Variants in RGMA observed in about 807,000 individuals in gnomAD.
RGMA encodes repulsive guidance molecule BMP co-receptor a.
RGMA carries 10 observed loss-of-function variants against 23.2 expected under a neutral mutation model. That is an observed-to-expected ratio of 0.43 (90% confidence interval 0.27 to 0.73). The LOEUF is 0.73. RGMA is among the 30% of genes least tolerant of loss of function. The pLI, the probability that RGMA is intolerant of heterozygous loss-of-function variation, is 0.20. For synonymous variants in RGMA, 308 were observed against 279.3 expected (o/e 1.10, Z -1.03); for missense variants, 547 against 630.5 (o/e 0.87, Z 1.42).
intron 2 of RGMA, among the ~76,000 whole-genome samples, chr15:93,052,869 T>C (rs907419875): frequency 3.9e-5 from 6 of 152,188 alleles, no homozygotes; most frequent in African/African-American, 1.4e-4. Flanking sequence ...TCCCCAAGAA[T>C]TTTGGCTAAA....
At chr15:93,066,120 G>T in intron 2 of RGMA, 1 of 1,384,896 alleles carries the variant, frequency 7.2e-7, no homozygotes, top group Non-Finnish European at 1.0e-6. Flanking sequence ...GGGCATAACA[G>T]CTGCCCTTCA....
chr15:93,080,866 G>A (rs1181158981), intron 1 of RGMA, among the ~76,000 whole-genome samples: 1 of 151,970 alleles, frequency 6.6e-6, no homozygotes, highest in Admixed American at 6.6e-5. Flanking sequence ...CTATAAACTG[G>A]GGTATAACTA....
intron 2 of RGMA, among the ~76,000 whole-genome samples, chr15:93,059,914 A>C (rs1432038153): frequency 2.0e-5 from 3 of 152,246 alleles, no homozygotes; most frequent in Non-Finnish European, 4.4e-5. Context: ...GAAAGAAGGA[A>C]GGAAAGTTTG....
At chr15:93,087,335 A>C (rs1006154669) in intron 1 of RGMA, among the ~76,000 whole-genome samples, 2 of 152,110 alleles carry the variant, frequency 1.3e-5, no homozygotes, top group Non-Finnish European at 1.5e-5. Flanking sequence ...CCCCACCCAG[A>C]GCCTTTGTCT....
At chr15:93,054,248 A>T (rs1292136820) in intron 2 of RGMA, among the ~76,000 whole-genome samples, 2 of 149,766 alleles carry the variant, frequency 1.3e-5, no homozygotes, top group South Asian at 2.2e-4. Flanking sequence ...AAAAAAAAAA[A>T]TTGATGGAAG....
At chr15:93,085,662 C>T (rs1418127886) in intron 1 of RGMA, among the ~76,000 whole-genome samples, 1 of 152,204 alleles carries the variant, frequency 6.6e-6, no homozygotes, top group Non-Finnish European at 1.5e-5. Context: ...TGACTTAAAA[C>T]TTTTTATATG....
rs532015051 is a variant in RGMA, at chr15:93,042,354, C to G, written c.*2644G>C. ...TTATCTTGCTTTGGGATAATACCAC[C>G]CCCTCCCTCCCCACGACCAGACAAG... On this transcript the variant is annotated 3_prime_UTR_variant, in exon 4 of 4. Coordinates refer to ENST00000329082, the MANE Select transcript of RGMA (RefSeq NM_020211.3). 8.4e-6 allele frequency: 1 copy of G among 118,716 alleles called. No homozygotes were observed. The allele number at this position is 118,716 out of a possible 1,614,324, so 7.4% of individuals were successfully genotyped here.
chr15:93,064,570 C>T (rs143081212), intron 2 of RGMA, among the ~76,000 whole-genome samples: 151 of 152,366 alleles, frequency 9.9e-4, no homozygotes, highest in Non-Finnish European at 1.7e-3. Flanking sequence ...AGCCTGCGCA[C>T]ACGCGTGTGT....
chr15:93,048,536 G>A (rs2054865313), intron 3 of RGMA, among the ~76,000 whole-genome samples: 2 of 152,178 alleles, frequency 1.3e-5, no homozygotes, highest in South Asian at 2.1e-4. Context: ...CGATTTCCTC[G>A]CATCCCTTCC....
chr15:93,062,606 G>T (rs1189929491), intron 2 of RGMA: 1 of 152,148 alleles, frequency 6.6e-6, no homozygotes, highest in Non-Finnish European at 1.5e-5. Flanking sequence ...TTTGCTCTCT[G>T]GTGCAGGGAT....
chr15:93,069,517 C>A (rs1206636001), intron 2 of RGMA, among the ~76,000 whole-genome samples: 4 of 151,854 alleles, frequency 2.6e-5, no homozygotes, highest in African/African-American at 9.7e-5. Context: ...CTTAGTTACC[C>A]ACTGAGGACT....
intron 2 of RGMA, chr15:93,066,307 C>T (rs967055820): frequency 1.1e-5 from 10 of 906,918 alleles, no homozygotes; most frequent in Admixed American, 5.1e-5. Context: ...TGGATGAATC[C>T]GTAACCATTC....
In RGMA at chr15:93,043,242, A is replaced by ACGCGCACAGGCACGCACGCG. The variant is rs796567378; in HGVS notation, c.*1755_*1756insCGCGTGCGTGCCTGTGCGCG. 3.1e-4 allele frequency: 5 copies of ACGCGCACAGGCACGCACGCG among 16,310 alleles called. No homozygotes were observed. The highest frequency in any genetic ancestry group is 1.1e-3 in the Non-Finnish European group (4 of 3,522). 1.0% of individuals were successfully genotyped at this position (16,310 alleles called of 1,614,324 possible). On this transcript the variant is annotated 3_prime_UTR_variant, in exon 4 of 4. Transcript: ENST00000329082. Reference sequence around the variant, plus strand: ...GGCATGCGCACACATGCGTACATGCACGCACACAGGCACGCACACACACAG... The same window carrying ACGCGCACAGGCACGCACGCG: ...GGCATGCGCACACATGCGTACATGCACGCGCACAGGCACGCACGCGCGCACACAGGCACGCACACACACAG...
chr15:93,045,763 C>T lies in RGMA; in HGVS notation c.646-58G>A. The T allele has an allele frequency of 2.4e-6, 3 of 1,270,272 alleles. No individual in the cohort carries two copies. The highest frequency in any genetic ancestry group is 3.4e-5 in the Admixed American group (2 of 58,234). The allele number at this position is 1,270,272 out of a possible 1,614,324, so 78.7% of individuals were successfully genotyped here. A position where few individuals can be genotyped will look rare whatever the true frequency, so the allele number is the denominator to read the frequency against. ...AGGCACAGTGGGAGGAGGCACAGCC[C>T]CACACTTAAGATGCTCTAGACTGAG... On this transcript the variant is annotated intron_variant, in intron 3 of 3. Transcript: ENST00000329082. This position sits in a 1 kb window ranked among gnomAD's most constrained non-coding sequence, Gnocchi z 6.9.
chr15:93,066,013 C>T (rs1049545826), intron 2 of RGMA: 8 of 1,385,450 alleles, frequency 5.8e-6, no homozygotes, highest in African/African-American at 2.8e-5. Context: ...CCCTTCTCTG[C>T]CAGGTTCTGT....
At chr15:93,077,925 C>T (rs1291448491) in intron 1 of RGMA, among the ~76,000 whole-genome samples, 1 of 152,226 alleles carries the variant, frequency 6.6e-6, no homozygotes, top group East Asian at 1.9e-4. Context: ...CCAGGCTGGT[C>T]TCAAACTCCT....
At chr15:93,048,334 G>A (rs1212825206) in intron 3 of RGMA, among the ~76,000 whole-genome samples, 1 of 152,124 alleles carries the variant, frequency 6.6e-6, no homozygotes, top group Non-Finnish European at 1.5e-5. Flanking sequence ...AAGGCTGGGA[G>A]GAGCTGAACG....
chr15:93,073,716 C>T (rs1779985059), intron 1 of RGMA: 2 of 1,537,220 alleles, frequency 1.3e-6, no homozygotes, highest in African/African-American at 1.4e-5. Context: ...GCTACTAACG[C>T]ACCTCGAGGT....
chr15:93,048,332 G>A (rs1257023907), intron 3 of RGMA, among the ~76,000 whole-genome samples: 1 of 152,126 alleles, frequency 6.6e-6, no homozygotes, highest in Non-Finnish European at 1.5e-5. Context: ...GCAAGGCTGG[G>A]AGGAGCTGAA....
Sources: gnomAD v4.1 joint callset for allele counts (sites outside exome capture counted in the v4.1 genomes callset) on GRCh38, gnomAD v4.1.1 for gene constraint, Gnocchi (gnomAD v3.1) non-coding constraint, MANE v1.5 for transcripts, NCBI Gene and HGNC (gene_info 2026-07-23, HGNC 2026-07-21) for gene names.